Variants in EPHA6 observed in about 807,000 individuals in gnomAD.
EPHA6 encodes the protein ephrin type-A receptor 6.
Under a neutral mutation model 112.0 loss-of-function variants are expected in EPHA6, and 50 were observed. The observed-to-expected ratio is 0.45, with a 90% CI of 0.36 to 0.56. The LOEUF is 0.56. Ranked by LOEUF, EPHA6 falls within the 20% of genes least tolerant of loss-of-function variation. EPHA6 has a pLI of 0.00. For synonymous variants in EPHA6, 529 were observed against 490.7 expected (o/e 1.08, Z -1.03); for missense variants, 1,280 against 1,417.4 (o/e 0.90, Z 1.56).
At chr3:97,219,875 G>A (rs373625528) in intron 3 of EPHA6, among the ~76,000 whole-genome samples, 16 of 152,072 alleles carry the variant, frequency 1.1e-4, no homozygotes, top group South Asian at 2.1e-4. Context: ...CCTTTTAAAC[G>A]TAAGTTCTAA....
intron 14 of EPHA6, among the ~76,000 whole-genome samples, chr3:97,668,911 C>CAAAAAAAAAAAAAA (rs397990599): frequency 3.1e-5 from 1 of 31,904 alleles, no homozygotes; most frequent in Non-Finnish European, 5.3e-5. Flanking sequence ...GACTCTGTCT[C>CAAAAAAAAAAAAAA]AAAAAAAAAA....
intron 2 of EPHA6, among the ~76,000 whole-genome samples, chr3:96,885,255 G>C (rs912227507): frequency 6.6e-6 from 1 of 151,966 alleles, no homozygotes; most frequent in African/African-American, 2.4e-5. Flanking sequence ...AATTAGGGAG[G>C]GTGGCTTCTT....
In EPHA6 at chr3:97,306,691, T is replaced by A. The variant is rs373537267; in HGVS notation, c.1606+62404T>A. Among the ~76,000 whole-genome samples, 374 of 151,954 alleles carry A rather than the reference T, an allele frequency of 2.5e-3. 1 individual carries two copies. The highest frequency in any genetic ancestry group is 8.1e-3 in the African/African-American group (338 of 41,504). On this transcript the variant is annotated intron_variant, in intron 5 of 17. Transcript: ENST00000389672. ...TCACAGTAGTTTCTGTTCCTTTCAA[T>A]TTCAAATATATTACTATTAAAAATT...
chr3:97,392,507 CAT>C (rs1340709333), intron 5 of EPHA6, among the ~76,000 whole-genome samples: 3 of 151,552 alleles, frequency 2.0e-5, no homozygotes, highest in Non-Finnish European at 4.4e-5. Flanking sequence ...AAAATGGAAT[CAT>C]GTCATACATA....
chr3:97,414,062 A>G (rs113598504), intron 6 of EPHA6, among the ~76,000 whole-genome samples: 1 of 151,948 alleles, frequency 6.6e-6, no homozygotes, highest in African/African-American at 2.4e-5. Flanking sequence ...CAAATCATAC[A>G]TTTACTTTTT....
At chr3:97,552,550 A>T (rs537477802) in intron 11 of EPHA6, among the ~76,000 whole-genome samples, 15 of 152,300 alleles carry the variant, frequency 9.8e-5, no homozygotes, top group African/African-American at 3.6e-4. Context: ...TATCTCTCTT[A>T]AAATAGGCAA....
chr3:97,503,654 A>T (rs1365875468), intron 10 of EPHA6, among the ~76,000 whole-genome samples: 1 of 152,186 alleles, frequency 6.6e-6, no homozygotes, highest in African/African-American at 2.4e-5. Context: ...TCACTTTCAC[A>T]TTCAAACACT....
At chr3:97,246,060 T>C (rs566264131) in intron 5 of EPHA6, among the ~76,000 whole-genome samples, 2 of 152,160 alleles carry the variant, frequency 1.3e-5, no homozygotes, top group African/African-American at 4.8e-5. Context: ...ATTTGCTTTA[T>C]GGTTATTCAA....
At chr3:97,561,533 C>G (rs777598514) in intron 11 of EPHA6, among the ~76,000 whole-genome samples, 1 of 151,966 alleles carries the variant, frequency 6.6e-6, no homozygotes, top group African/African-American at 2.4e-5. Flanking sequence ...GTTGAAGAAA[C>G]TGCAGTCAAA....
At chr3:97,297,340 A>T (rs1406920083) in intron 5 of EPHA6, among the ~76,000 whole-genome samples, 1 of 152,200 alleles carries the variant, frequency 6.6e-6, no homozygotes, top group African/African-American at 2.4e-5. Flanking sequence ...AAGCATGCTT[A>T]CTTATTCATT....
At chr3:97,073,795 A>G (rs919096013) in intron 3 of EPHA6, among the ~76,000 whole-genome samples, 2 of 152,036 alleles carry the variant, frequency 1.3e-5, no homozygotes, top group African/African-American at 4.8e-5. Flanking sequence ...TAGCGCATTT[A>G]TATTAAGTGT....
chr3:97,541,022 A>G (rs1249323780), intron 11 of EPHA6, among the ~76,000 whole-genome samples: 1 of 152,196 alleles, frequency 6.6e-6, no homozygotes, highest in East Asian at 1.9e-4. Context: ...TCACTGAGAA[A>G]TCTTCACCAA....
At chr3:96,878,612 T>C (rs1457364886) in intron 2 of EPHA6, among the ~76,000 whole-genome samples, 1 of 152,094 alleles carries the variant, frequency 6.6e-6, no homozygotes, top group Non-Finnish European at 1.5e-5. Context: ...TATTGTACAT[T>C]TGACAACAAA....
chr3:97,392,521 T>G (rs1285240948), intron 5 of EPHA6, among the ~76,000 whole-genome samples: 1 of 151,730 alleles, frequency 6.6e-6, no homozygotes, highest in Non-Finnish European at 1.5e-5. Flanking sequence ...TCATACATAT[T>G]TTTTTGTAAC....
At chr3:97,003,395 TTAAC>T (rs1192970044) in intron 3 of EPHA6, among the ~76,000 whole-genome samples, 3 of 152,082 alleles carry the variant, frequency 2.0e-5, no homozygotes, top group Admixed American at 6.6e-5. Flanking sequence ...GGCCAATTTC[TTAAC>T]TAAGCCCCAG....
intron 14 of EPHA6, among the ~76,000 whole-genome samples, chr3:97,654,584 A>G (rs1377650956): frequency 1.3e-5 from 2 of 152,000 alleles, no homozygotes; most frequent in East Asian, 1.9e-4. Flanking sequence ...TAAGGTTGTC[A>G]CCTTTGAAGT....
At chr3:97,348,619 C>T (rs1290432687) in intron 5 of EPHA6, among the ~76,000 whole-genome samples, 1 of 151,864 alleles carries the variant, frequency 6.6e-6, no homozygotes, top group Non-Finnish European at 1.5e-5. Context: ...GCTAGGTGAG[C>T]ACAGTTACAA....
chr3:97,752,851 G>A lies in EPHA6; in HGVS notation c.*4150G>A, dbSNP rs1576404865. On this transcript the variant is annotated 3_prime_UTR_variant, in exon 18 of 18. Coordinates refer to ENST00000389672, the MANE Select transcript of EPHA6 (RefSeq NM_001080448.3). ...TTATAAACTCACAGTTGGTGTCCAT[G>A]TCTCTATATATCAAAGAGATTTGAA... Among the ~76,000 whole-genome samples, 1 of 152,020 alleles carries A rather than the reference G, an allele frequency of 6.6e-6. No individual in the cohort carries two copies. The highest frequency in any genetic ancestry group is 6.6e-5 in the Admixed American group (1 of 15,264).
chr3:97,157,545 A>G (rs958111316), intron 3 of EPHA6, among the ~76,000 whole-genome samples: 1 of 152,082 alleles, frequency 6.6e-6, no homozygotes, highest in African/African-American at 2.4e-5. Context: ...ACAGACAGAG[A>G]GTGATTATAA....
Sources: allele counts gnomAD v4.1 joint callset (sites outside exome capture counted in the v4.1 genomes callset), GRCh38; gene constraint gnomAD v4.1.1; transcripts MANE v1.5; gene names NCBI Gene and HGNC (gene_info 2026-07-23, HGNC 2026-07-21).